Variants in DNAH3 observed in about 807,000 individuals in gnomAD.
The protein encoded by DNAH3 is axonemal beta dynein heavy chain 3.
A neutral mutation model predicts 432.5 loss-of-function variants in DNAH3; 332 were observed. The ratio of observed to expected loss-of-function variants is 0.77; its 90% CI spans 0.70 to 0.84. The LOEUF is 0.84. Ranked by LOEUF, DNAH3 falls within the 40% of genes least tolerant of loss-of-function variation. The probability of loss-of-function intolerance (pLI) is 0.00; values close to 1 mark genes in which losing one functional copy is unlikely to be tolerated. For missense variants in DNAH3, 4,861 were observed against 5,114.0 expected, an observed-to-expected ratio of 0.95 and a Z score of 1.51; for synonymous variants, 1,956 against 1,900.2, an observed-to-expected ratio of 1.03 and a Z score of -0.76.
At chr16:20,942,215 C>A (rs2083843398) in intron 58 of DNAH3, among the ~76,000 whole-genome samples, 1 of 152,236 alleles carries the variant, frequency 6.6e-6, no homozygotes, top group African/African-American at 2.4e-5. Flanking sequence ...TCTCCCACAG[C>A]CTCTGACCCC....
At position 20,952,569 on chromosome 16, in the gene DNAH3, G is replaced by T; in HGVS notation, c.11072-20C>A. On this transcript the variant is annotated intron_variant, in intron 55 of 61. Coordinates refer to ENST00000261383, the Ensembl canonical transcript of DNAH3. ...TCCACCCTGCGTGTGGGAGAGCAGAGAGAGGCTTCAGTGCTGAGAGCTCTT... is the reference window on the plus strand; with the variant it reads ...TCCACCCTGCGTGTGGGAGAGCAGATAGAGGCTTCAGTGCTGAGAGCTCTT... 2 of 1,494,714 alleles carry T rather than the reference G, an allele frequency of 1.3e-6. No homozygotes were observed. Among genetic ancestry groups the T allele is most frequent in the South Asian group, 1.1e-5 (1 of 88,626 alleles). 92.6% of individuals were successfully genotyped at this position (1,494,714 alleles called of 1,614,324 possible).
chr16:21,107,624 A>T (rs191010807), intron 14 of DNAH3, among the ~76,000 whole-genome samples: 111 of 152,302 alleles, frequency 7.3e-4, no homozygotes, highest in African/African-American at 2.5e-3. Flanking sequence ...ATGTTCCATT[A>T]CTGGGACTAC....
At chr16:21,136,639 C>A in intron 5 of DNAH3, 126 bp from the exon 7 acceptor site, 1 of 871,942 alleles carries the variant, frequency 1.1e-6, no homozygotes, top group Non-Finnish European at 1.9e-6. Context: ...CTTGCCATAA[C>A]CATGCATTCT....
intron 43 of DNAH3, among the ~76,000 whole-genome samples, chr16:20,998,324 A>G (rs1211095866): frequency 6.6e-6 from 1 of 152,084 alleles, no homozygotes; most frequent in Non-Finnish European, 1.5e-5. Context: ...GTGTGATCTC[A>G]GCTCACTGCA....
chr16:21,023,136 G>A (rs2088340749), intron 39 of DNAH3, among the ~76,000 whole-genome samples: 1 of 152,138 alleles, frequency 6.6e-6, no homozygotes, highest in Non-Finnish European at 1.5e-5. Flanking sequence ...AGACTTAGGT[G>A]TGGATCTATA....
At chr16:21,152,589 G>A (rs912710151) in intron 1 of DNAH3, among the ~76,000 whole-genome samples, 1 of 152,262 alleles carries the variant, frequency 6.6e-6, no homozygotes, top group Admixed American at 6.5e-5. Flanking sequence ...TTGCAGGCAG[G>A]TGTGGAGGGA....
chr16:21,088,197 T>G (rs564257190), intron 18 of DNAH3, among the ~76,000 whole-genome samples: 2 of 152,164 alleles, frequency 1.3e-5, no homozygotes, highest in South Asian at 4.2e-4. Flanking sequence ...GATTAAAAAT[T>G]TAAATTAAAA....
chr16:20,985,148 T>C, exon 48 of DNAH3: 2 of 1,614,216 alleles, frequency 1.2e-6, no homozygotes, highest in Non-Finnish European at 1.7e-6. Flanking sequence ...CTGGCTGCAG[T>C]CTGCATCTTC....
intron 44 of DNAH3, among the ~76,000 whole-genome samples, chr16:20,989,805 C>T (rs996088769): frequency 1.8e-4 from 28 of 152,232 alleles, no homozygotes; most frequent in Admixed American, 1.6e-3. Flanking sequence ...GCAGCTAAGG[C>T]TCAGTGAGAA....
intron 57 of DNAH3, among the ~76,000 whole-genome samples, chr16:20,948,008 T>C (rs1206732156): frequency 1.3e-5 from 2 of 152,158 alleles, no homozygotes; most frequent in South Asian, 2.1e-4. Context: ...ACTCCTGAGC[T>C]TAAGTGATCC....
At chr16:21,015,729 CT>C (rs1197179077) in intron 41 of DNAH3, among the ~76,000 whole-genome samples, 21 of 152,122 alleles carry the variant, frequency 1.4e-4, no homozygotes. Flanking sequence ...TCTATTAAAA[CT>C]TTTTTTAAAG....
At chr16:21,042,978 A>G (rs965290007) in intron 31 of DNAH3, among the ~76,000 whole-genome samples, 9 of 152,218 alleles carry the variant, frequency 5.9e-5, no homozygotes, top group African/African-American at 1.7e-4. Flanking sequence ...AGTTTCATCC[A>G]TGTACCTACA....
intron 22 of DNAH3, 23 bp from the exon 23 acceptor site, chr16:21,069,617 C>A: frequency 1.9e-6 from 3 of 1,598,368 alleles, no homozygotes; most frequent in African/African-American, 2.7e-5. Context: ...CATTTCATAT[C>A]TGGATCATTA....
In DNAH3 at chr16:21,060,554, C is replaced by G. The variant is rs144632032; in HGVS notation, c.3721-198G>C. Among the ~76,000 whole-genome samples, 551 of 118,146 alleles carry G rather than the reference C, an allele frequency of 4.7e-3. 3 individuals are homozygous for G. The highest frequency in any genetic ancestry group is 0.011 in the Admixed American group (89 of 8,352). 77.5% of individuals were successfully genotyped at this position (118,146 alleles called of 152,430 possible). On this transcript the variant is annotated intron_variant, in intron 25 of 61. Coordinates refer to ENST00000261383, the Ensembl canonical transcript of DNAH3. ...TTTTTTTTTTTTTTTGATACAGAGT[C>G]TCGCTCTGTCACCAGGCTGGAGTGC...
intron 7 of DNAH3, chr16:21,130,109 A>C (rs1275840817): frequency 2.0e-5 from 3 of 151,130 alleles, no homozygotes; most frequent in South Asian, 2.1e-4. Flanking sequence ...AAAAAAAAAA[A>C]CAAATGAACT....
chr16:21,009,577 A>G (rs1362439645), intron 41 of DNAH3, among the ~76,000 whole-genome samples: 2 of 152,202 alleles, frequency 1.3e-5, no homozygotes, highest in Admixed American at 1.3e-4. Context: ...GGGAACATTT[A>G]GGCTAATGAG....
exon 32 of DNAH3, chr16:21,042,079 A>T (rs756975355): frequency 6.2e-7 from 1 of 1,613,956 alleles, no homozygotes; most frequent in Non-Finnish European, 8.5e-7. Flanking sequence ...GTTCATGGTG[A>T]TGAACACAGC....
intron 53 of DNAH3, among the ~76,000 whole-genome samples, chr16:20,959,932 T>A (rs1426873539): frequency 6.6e-6 from 1 of 151,904 alleles, no homozygotes; most frequent in African/African-American, 2.4e-5. Flanking sequence ...AATAAAGAGG[T>A]GAGCACATCA....
At chr16:20,948,390 C>A in intron 57 of DNAH3, 93 bp downstream of exon 57, 1 of 1,356,720 alleles carries the variant, frequency 7.4e-7, no homozygotes, top group Non-Finnish European at 1.0e-6. Flanking sequence ...AAGGTCACCC[C>A]TGGGATCCCT....
Sources: gnomAD v4.1 joint callset for allele counts (sites outside exome capture counted in the v4.1 genomes callset) on GRCh38, gnomAD v4.1.1 for gene constraint, MANE v1.5 for transcripts, NCBI Gene and HGNC (gene_info 2026-07-23, HGNC 2026-07-21) for gene names.